SGCZ: variants seen among roughly 807,000 people sequenced by gnomAD.
SGCZ encodes the protein sarcoglycan zeta, also known as zeta-sarcoglycan.
A neutral mutation model predicts 41.3 loss-of-function variants in SGCZ; 40 were observed. That is an observed-to-expected ratio of 0.97 (90% CI 0.75 to 1.26). SGCZ has a LOEUF of 1.26. Ranked by LOEUF, SGCZ falls within the 50% of genes most tolerant of loss-of-function variation. The pLI is 0.00. For synonymous variants in SGCZ, 206 were observed against 137.5 expected, an observed-to-expected ratio of 1.50 and a Z score of -3.49; for missense variants, 552 against 369.8, an observed-to-expected ratio of 1.49 and a Z score of -4.04.
intron 1 of SGCZ, among the ~76,000 whole-genome samples, chr8:14,897,072 G>A (rs893920015): frequency 3.9e-5 from 6 of 152,144 alleles, no homozygotes; most frequent in South Asian, 2.1e-4. Context: ...GTGAGCCACC[G>A]TGCCTGGCCC....
At chr8:15,129,077 C>A (rs1186277462) in intron 1 of SGCZ, among the ~76,000 whole-genome samples, 1 of 152,172 alleles carries the variant, frequency 6.6e-6, no homozygotes, top group African/African-American at 2.4e-5. Flanking sequence ...ATAATCATCC[C>A]TTTCACCACT....
intron 1 of SGCZ, among the ~76,000 whole-genome samples, chr8:14,755,227 T>C (rs1799622438): frequency 6.6e-6 from 1 of 152,142 alleles, no homozygotes; most frequent in African/African-American, 2.4e-5. Flanking sequence ...TCTTGTTTGA[T>C]TTTTTTAAAA....
intron 1 of SGCZ, among the ~76,000 whole-genome samples, chr8:15,159,448 G>T (rs1396436929): frequency 6.6e-6 from 1 of 152,112 alleles, no homozygotes; most frequent in Non-Finnish European, 1.5e-5. Flanking sequence ...TGAGGCTTGG[G>T]CTTGTGACTG....
intron 2 of SGCZ, among the ~76,000 whole-genome samples, chr8:14,521,968 T>C (rs895591510): frequency 5.3e-5 from 8 of 152,142 alleles, no homozygotes; most frequent in African/African-American, 1.9e-4. Flanking sequence ...TAATCATGGA[T>C]GTGTGCAGAA....
intron 3 of SGCZ, among the ~76,000 whole-genome samples, chr8:14,275,277 T>A (rs2117273491): frequency 6.6e-6 from 1 of 152,286 alleles, no homozygotes; most frequent in African/African-American, 2.4e-5. Flanking sequence ...CATTGCCTAC[T>A]CTCTCAGTAG....
At chr8:14,602,172 AT>A (rs1361392859) in intron 1 of SGCZ, among the ~76,000 whole-genome samples, 1 of 152,128 alleles carries the variant, frequency 6.6e-6, no homozygotes, top group Non-Finnish European at 1.5e-5. Context: ...ATGTGGATAT[AT>A]GGTAATTTTT....
intron 5 of SGCZ, among the ~76,000 whole-genome samples, chr8:14,127,479 T>C (rs1802898049): frequency 6.6e-6 from 1 of 152,134 alleles, no homozygotes; most frequent in Non-Finnish European, 1.5e-5. Context: ...TTTTTGATAC[T>C]GAGTCTCACT....
At chr8:15,118,901 TC>T (rs1472700035) in intron 1 of SGCZ, among the ~76,000 whole-genome samples, 1 of 152,164 alleles carries the variant, frequency 6.6e-6, no homozygotes, top group East Asian at 1.9e-4. Context: ...ATAGACACGT[TC>T]CAGATGAAAT....
chr8:14,573,860 G>A (rs967879467), intron 1 of SGCZ, among the ~76,000 whole-genome samples: 6 of 152,078 alleles, frequency 3.9e-5, no homozygotes, highest in East Asian at 1.9e-4. Flanking sequence ...TTTCTGATTA[G>A]ACCATGAAAA....
At chr8:14,385,250 A>G (rs1282323552) in intron 2 of SGCZ, among the ~76,000 whole-genome samples, 2 of 152,188 alleles carry the variant, frequency 1.3e-5, no homozygotes, top group Non-Finnish European at 2.9e-5. Flanking sequence ...AACCAGCTCC[A>G]GTACACTATT....
At chr8:14,521,753 T>C (rs1476370900) in intron 2 of SGCZ, among the ~76,000 whole-genome samples, 1 of 152,110 alleles carries the variant, frequency 6.6e-6, no homozygotes. Context: ...GCTGTTCCAT[T>C]TTACATTGCC....
intron 1 of SGCZ, among the ~76,000 whole-genome samples, chr8:15,058,916 C>T (rs1585520728): frequency 6.6e-6 from 1 of 152,096 alleles, no homozygotes; most frequent in East Asian, 1.9e-4. Context: ...AAGGAAATTA[C>T]AGATAATTAA....
chr8:14,109,803 C>T (rs890862346), intron 5 of SGCZ, among the ~76,000 whole-genome samples: 3 of 151,948 alleles, frequency 2.0e-5, no homozygotes, highest in Admixed American at 1.3e-4. Context: ...TTTTCAAAGA[C>T]TATATGATTT....
chr8:14,892,503 T>C (rs1030112403), intron 1 of SGCZ, among the ~76,000 whole-genome samples: 1 of 152,168 alleles, frequency 6.6e-6, no homozygotes, highest in African/African-American at 2.4e-5. Context: ...TAGCATCACG[T>C]CTCTTTGGAT....
intron 7 of SGCZ, among the ~76,000 whole-genome samples, chr8:14,095,122 T>C (rs1801803239): frequency 6.6e-6 from 1 of 152,328 alleles, no homozygotes; most frequent in South Asian, 2.1e-4. Flanking sequence ...AGAAGCTCTT[T>C]AGTTTAATTA....
chr8:14,964,469 T>C (rs1213621554), intron 1 of SGCZ, among the ~76,000 whole-genome samples: 1 of 152,168 alleles, frequency 6.6e-6, no homozygotes, highest in Non-Finnish European at 1.5e-5. Flanking sequence ...GCTAACTGGG[T>C]TACCTCTAAA....
At chr8:14,247,272 G>A (rs1477155336) in intron 3 of SGCZ, among the ~76,000 whole-genome samples, 3 of 152,096 alleles carry the variant, frequency 2.0e-5, no homozygotes, top group African/African-American at 4.8e-5. Context: ...TGTCCTTCTG[G>A]CTCCTGTCCA....
chr8:14,708,924 G>T (rs1307071822), intron 1 of SGCZ, among the ~76,000 whole-genome samples: 1 of 151,778 alleles, frequency 6.6e-6, no homozygotes, highest in East Asian at 1.9e-4. Flanking sequence ...GCTTACATGA[G>T]AATGTGTTAG....
chr8:14,815,866 CTG>C (rs1801887378), intron 1 of SGCZ, among the ~76,000 whole-genome samples: 1 of 152,202 alleles, frequency 6.6e-6, no homozygotes, highest in Admixed American at 6.5e-5. Context: ...CTTGGAGTAA[CTG>C]TATGCAAAAT....
Sources: gnomAD v4.1 joint callset for allele counts (sites outside exome capture counted in the v4.1 genomes callset) on GRCh38, gnomAD v4.1.1 for gene constraint, MANE v1.5 for transcripts, NCBI Gene and HGNC (gene_info 2026-07-23, HGNC 2026-07-21) for gene names.